HES4: variants seen among roughly 807,000 people sequenced by gnomAD.
HES4 encodes the protein transcription factor HES-4.
A neutral mutation model predicts 10.7 loss-of-function variants in HES4; 17 were observed. The ratio of observed to expected loss-of-function variants is 1.59; its 90% CI spans 1.09 to 2.38. The LOEUF (loss-of-function observed/expected upper bound fraction) is 2.38, where lower values mean the gene tolerates loss of function less well. Among genes scored for constraint, HES4 ranks in the 30% most tolerant of loss-of-function variants. The pLI, the probability that HES4 is intolerant of heterozygous loss-of-function variation, is 0.00. For synonymous variants in HES4, 189 were observed against 159.7 expected, an observed-to-expected ratio of 1.18 and a Z score of -1.38; for missense variants, 389 against 332.1, an observed-to-expected ratio of 1.17 and a Z score of -1.33.
At position 999,355 on chromosome 1, in the gene HES4, A is replaced by C. The variant is rs200527634; in HGVS notation, c.370T>G (p.Phe124Val). Residue 124 changes from phenylalanine to valine, a missense_variant, in exon 4 of 4, where the codon TTC (phenylalanine) becomes GTC (valine). Transcript: ENST00000304952. ...FHECLAEVNR[F>V]LAGCEGVPAD... ...GGGACGCCCTCGCAGCCGGCCAGGA[A>C]GCGGTTCACCTCCGCCAGACACTCG... is the stretch of plus-strand genomic sequence containing the variant. The C allele has an allele frequency of 2.8e-4, 420 of 1,496,516 alleles. No homozygotes were observed. In the African/African-American group the frequency reaches 5.5e-3, roughly 20 times the overall value. The allele number at this position is 1,496,516 out of a possible 1,614,324, so 92.7% of individuals were successfully genotyped here.
In HES4 at chr1:999,518, C is replaced by T. The variant is rs754247393; in HGVS notation, c.292+8G>A. The T allele has an allele frequency of 3.1e-5, 49 of 1,587,784 alleles. No individual in the cohort carries two copies. Among genetic ancestry groups the T allele is most frequent in the African/African-American group, 2.0e-4 (15 of 73,456 alleles). ...CCCGCCTCCAAGCCGCCGCCGCCCG[C>T]GCCTCACCCGTCACCTGCACGCGAC... On this transcript the variant is annotated splice_region_variant and intron_variant, in intron 3 of 3. Transcript: ENST00000304952.
rs773273980 is a variant in HES4, at chr1:999,411, G to A, written c.314C>T (p.Ala105Val). The A allele has an allele frequency of 1.3e-5, 19 of 1,496,380 alleles. No individual in the cohort carries two copies. In the South Asian group the frequency reaches 2.5e-4, roughly 20 times the overall value. The allele number at this position is 1,496,380 out of a possible 1,614,324, so 92.7% of individuals were successfully genotyped here. The change falls in exon 4 of 4, where the codon GCC becomes GTC. Residue 105 changes from alanine (A) to valine (V), a missense_variant. Ala to Val is a moderately conservative substitution (Grantham distance 64). Coordinates refer to ENST00000304952, the MANE Select transcript of HES4 (RefSeq NM_021170.4). Reference protein sequence around the residue: ...QVTAALSADPAVLGKYRAGFH... With the variant: ...QVTAALSADPVVLGKYRAGFH... ...GCCGGCGCGGTACTTGCCCAGAACG[G>A]CGGGGTCGGCGCTGAGCGCGGCTGC...
At position 999,261 on chromosome 1, in the gene HES4, C is replaced by A; in HGVS notation, c.464G>T (p.Arg155Leu). ...ACLRQLGPSR[R>L]PASLSPAAPA... Reference sequence around the variant, plus strand: ...GGCAGCCGGGGACAGCGAGGCCGGGCGGCGGGAGGGTCCCAGCTGGCGCAG... The same window carrying A: ...GGCAGCCGGGGACAGCGAGGCCGGGAGGCGGGAGGGTCCCAGCTGGCGCAG... The change falls in exon 4 of 4, where the codon CGC (arginine) becomes CTC (leucine). Residue 155 changes from arginine (R) to leucine (L), a missense_variant. By Grantham distance (102) the Arg-to-Leu change is moderately radical. Coordinates refer to ENST00000304952, the MANE Select transcript of HES4 (RefSeq NM_021170.4). 1 of 1,409,256 alleles carries A rather than the reference C, an allele frequency of 7.1e-7. No individual in the cohort carries two copies. The highest frequency in any genetic ancestry group is 1.5e-5 in the South Asian group (1 of 67,186). 87.3% of individuals were successfully genotyped at this position (1,409,256 alleles called of 1,614,324 possible). A position where few individuals can be genotyped will look rare whatever the true frequency, so the allele number is the denominator to read the frequency against.
chr1:998,996 C>G lies in HES4; in HGVS notation c.*63G>C. ...ATAAATACGTTTTCTCTGCTACAGT[C>G]TCGGCAAAGGCCACGGCCCTAGAAC... On this transcript the variant is annotated 3_prime_UTR_variant, in exon 4 of 4. Coordinates refer to ENST00000304952, the MANE Select transcript of HES4 (RefSeq NM_021170.4). The G allele has an allele frequency of 6.5e-6, 8 of 1,232,438 alleles. No homozygotes were observed. Among genetic ancestry groups the G allele is most frequent in the Non-Finnish European group, 8.2e-6 (8 of 975,044 alleles). The allele number at this position is 1,232,438 out of a possible 1,614,324, so 76.3% of individuals were successfully genotyped here. A position where few individuals can be genotyped will look rare whatever the true frequency, so the allele number is the denominator to read the frequency against.
At position 999,218 on chromosome 1, in the gene HES4, C is replaced by A; in HGVS notation, c.507G>T (p.Ala169=). 1 of 1,314,094 alleles carries A rather than the reference C, an allele frequency of 7.6e-7. No homozygotes were observed. Among genetic ancestry groups the A allele is most frequent in the Non-Finnish European group, 9.6e-7 (1 of 1,038,584 alleles). 81.4% of individuals were successfully genotyped at this position (1,314,094 alleles called of 1,614,324 possible). Residue 169 remains alanine (A), a synonymous_variant, in exon 4 of 4, where the codon GCG becomes GCT. Coordinates refer to ENST00000304952, the MANE Select transcript of HES4 (RefSeq NM_021170.4). ...GCGGGCGGCCCGCGTAGACCTCGGG[C>A]GCTGGGGCCTCTGCGGGGGCAGCCG... ...LSPAAPAEAP[A]PEVYAGRPLL...
In HES4 at chr1:999,374, A is replaced by C; in HGVS notation, c.351T>G (p.Cys117Trp). ...CCAGGAAGCGGTTCACCTCCGCCAG[A>C]CACTCGTGGAAGCCGGCGCGGTACT... ...LGKYRAGFHE[C>W]LAEVNRFLAG... Residue 117 changes from cysteine (C) to tryptophan (W), a missense_variant, in exon 4 of 4, where the codon TGT (cysteine) becomes TGG (tryptophan). Physicochemically the swap from Cys to Trp is radical, Grantham distance 215 (BLOSUM62 -2). Transcript: ENST00000304952. The C allele has an allele frequency of 6.7e-7, 1 of 1,500,472 alleles. No homozygotes were observed. Among genetic ancestry groups the C allele is most frequent in the Non-Finnish European group, 8.8e-7 (1 of 1,136,910 alleles). 92.9% of individuals were successfully genotyped at this position (1,500,472 alleles called of 1,614,324 possible). A position where few individuals can be genotyped will look rare whatever the true frequency, so the allele number is the denominator to read the frequency against.
Position 999,866 on chromosome 1 carries a change from CT to C in HES4, c.107del (p.Lys36SerfsTer48), listed in dbSNP as rs1042787203. The C allele has an allele frequency of 1.9e-5, 30 of 1,558,694 alleles. No homozygotes were observed. The highest frequency in any genetic ancestry group is 2.6e-5 in the Non-Finnish European group (30 of 1,155,732). ...DKPRSAAEHR[K>X]SSKPVMEKRR... ...CCCTCACGCCCGGCCGGGACCCCACCTTGCGGTGCTCGGCCGCGCTCCGGGG... is the reference window on the plus strand; with the variant it reads ...CCCTCACGCCCGGCCGGGACCCCACCTGCGGTGCTCGGCCGCGCTCCGGGG... On this transcript the variant is annotated frameshift_variant and splice_region_variant, in exon 1 of 4. Transcript: ENST00000304952. LOFTEE classifies it high-confidence loss of function.
intron 1 of HES4, 39 bp downstream of exon 1, chr1:999,827 C>T (rs1042795994): frequency 3.7e-6 from 6 of 1,600,936 alleles, no homozygotes; most frequent in South Asian, 1.1e-5. Flanking sequence ...GTCCCTCCCG[C>T]CCCCCGGTCG....
rs758882494 is a variant in HES4, at chr1:999,532, C to T, written c.286G>A (p.Val96Met). The change falls in exon 3 of 4, where the codon GTG becomes ATG. Residue 96 changes from valine to methionine, a missense_variant. Transcript: ENST00000304952. The stretch of plus-strand genomic sequence containing the variant: ...GCCGCCGCCCGCGCCTCACCCGTCA[C>T]CTGCACGCGACGCAGGCTCCGCAGG... ...RHLRSLRRVQ[V>M]TAALSADPAV... 2 of 1,599,858 alleles carry T rather than the reference C, an allele frequency of 1.3e-6. No individual in the cohort carries two copies. Among genetic ancestry groups the T allele is most frequent in the South Asian group, 1.1e-5 (1 of 89,520 alleles).
In HES4 at chr1:999,837, G is replaced by A. The variant is rs1431457303; in HGVS notation, c.108+29C>T. 1 of 1,596,436 alleles carries A rather than the reference G, an allele frequency of 6.3e-7. No individual in the cohort carries two copies. The highest frequency in any genetic ancestry group is 1.1e-5 in the South Asian group (1 of 89,458). ...CCCGCGTCCCTCCCGCCCCCCGGTC[G>A]CCCCCCTCACGCCCGGCCGGGACCC... is the stretch of plus-strand genomic sequence containing the variant. On this transcript the variant is annotated intron_variant, in intron 1 of 3. Transcript: ENST00000304952.
rs1643978696 is a variant in HES4, at chr1:999,042, G to A, written c.*17C>T. 1.6e-6 allele frequency: 2 copies of A among 1,266,316 alleles called. No homozygotes were observed. Among genetic ancestry groups the A allele is most frequent in the Non-Finnish European group, 2.0e-6 (2 of 1,003,228 alleles). The allele number at this position is 1,266,316 out of a possible 1,614,324, so 78.4% of individuals were successfully genotyped here. The stretch of plus-strand genomic sequence containing the variant: ...AGAACGGGGCGCCGCCTCCGATGCA[G>A]TCTCAGGGCCACAGCCTCAGCGCAG... On this transcript the variant is annotated 3_prime_UTR_variant, in exon 4 of 4. Coordinates refer to ENST00000304952, the MANE Select transcript of HES4 (RefSeq NM_021170.4).
rs763890990 is a variant in HES4, at chr1:999,419, G to T, written c.306C>A (p.Ala102=). The change falls in exon 4 of 4, where the codon GCC becomes GCA. Residue 102 remains alanine, a synonymous_variant. Coordinates refer to ENST00000304952, the MANE Select transcript of HES4 (RefSeq NM_021170.4). ...GGTACTTGCCCAGAACGGCGGGGTC[G>T]GCGCTGAGCGCGGCTGCGGGAGCGA... ...RRVQVTAALS[A]DPAVLGKYRA... is the part of the protein sequence containing the mutation. 6.7e-7 allele frequency: 1 copy of T among 1,496,006 alleles called. No homozygotes were observed. Among genetic ancestry groups the T allele is most frequent in the Non-Finnish European group, 8.8e-7 (1 of 1,137,030 alleles). The allele number at this position is 1,496,006 out of a possible 1,614,324, so 92.7% of individuals were successfully genotyped here.
In HES4 at chr1:999,102, C is replaced by T; in HGVS notation, c.623G>A (p.Gly208Glu). The change falls in exon 4 of 4, where the codon GGG (glycine) becomes GAG (glutamate). Residue 208 changes from glycine (G) to glutamate (E), a missense_variant. Transcript: ENST00000304952. Reference protein sequence around the residue: ...TRALPAAPRAGPQGPGGPWRP... With the variant: ...TRALPAAPRAEPQGPGGPWRP... ...CCAGGGCCCACCCGGGCCCTGCGGCCCCGCCCTGGGGGCGGCGGGCAGCGC... is the reference window on the plus strand; with the variant it reads ...CCAGGGCCCACCCGGGCCCTGCGGCTCCGCCCTGGGGGCGGCGGGCAGCGC... 8.2e-7 allele frequency: 1 copy of T among 1,221,642 alleles called. No homozygotes were observed. Among genetic ancestry groups the T allele is most frequent in the Non-Finnish European group, 1.0e-6 (1 of 981,366 alleles). The allele number at this position is 1,221,642 out of a possible 1,614,324, so 75.7% of individuals were successfully genotyped here. A position where few individuals can be genotyped will look rare whatever the true frequency, so the allele number is the denominator to read the frequency against.
chr1:999,021 C>A lies in HES4; in HGVS notation c.*38G>T. 3.2e-6 allele frequency: 4 copies of A among 1,259,822 alleles called. No individual in the cohort carries two copies. The highest frequency in any genetic ancestry group is 4.0e-6 in the Non-Finnish European group (4 of 998,262). 78.0% of individuals were successfully genotyped at this position (1,259,822 alleles called of 1,614,324 possible). A position where few individuals can be genotyped will look rare whatever the true frequency, so the allele number is the denominator to read the frequency against. ...CTCGGCAAAGGCCACGGCCCTAGAA[C>A]GGGGCGCCGCCTCCGATGCAGTCTC... is the stretch of plus-strand genomic sequence containing the variant. On this transcript the variant is annotated 3_prime_UTR_variant, in exon 4 of 4. Coordinates refer to ENST00000304952, the MANE Select transcript of HES4 (RefSeq NM_021170.4).
Position 999,119 on chromosome 1 carries a change from G to C in HES4, c.606C>G (p.Pro202=). ...PLLPGLTRAL[P]AAPRAGPQGP... ...CCTGCGGCCCCGCCCTGGGGGCGGC[G>C]GGCAGCGCCCGGGTCAGACCCGGCA... The change falls in exon 4 of 4, where the codon CCC becomes CCG. Residue 202 remains proline (P), a synonymous_variant. Coordinates refer to ENST00000304952, the MANE Select transcript of HES4 (RefSeq NM_021170.4). 8.2e-7 allele frequency: 1 copy of C among 1,215,040 alleles called. No individual in the cohort carries two copies. Among genetic ancestry groups the C allele is most frequent in the Non-Finnish European group, 1.0e-6 (1 of 977,412 alleles). 75.3% of individuals were successfully genotyped at this position (1,215,040 alleles called of 1,614,324 possible). A position where few individuals can be genotyped will look rare whatever the true frequency, so the allele number is the denominator to read the frequency against.
At position 1,000,022 on chromosome 1, in the gene HES4, C is replaced by T; in HGVS notation, c.-49G>A. ...CCGGGTGGAGCGCGCCGCCACGGAC[C>T]ACGGGCGGGCTGGCGGGCGAGCGGC... On this transcript the variant is annotated 5_prime_UTR_variant, in exon 1 of 4. Transcript: ENST00000304952. The T allele has an allele frequency of 8.0e-7, 1 of 1,243,466 alleles. No individual in the cohort carries two copies. Among genetic ancestry groups the T allele is most frequent in the Non-Finnish European group, 1.0e-6 (1 of 996,134 alleles). The allele number at this position is 1,243,466 out of a possible 1,614,324, so 77.0% of individuals were successfully genotyped here. A position where few individuals can be genotyped will look rare whatever the true frequency, so the allele number is the denominator to read the frequency against.
Position 999,873 on chromosome 1 carries a change from T to A in HES4, c.101A>T (p.His34Leu). ...GCCCGGCCGGGACCCCACCTTGCGG[T>A]GCTCGGCCGCGCTCCGGGGCTTGTC... ...TPDKPRSAAE[H>L]RKSSKPVMEK... The change falls in exon 1 of 4, where the codon CAC becomes CTC. Residue 34 changes from histidine (H) to leucine (L), a missense_variant. Coordinates refer to ENST00000304952, the MANE Select transcript of HES4 (RefSeq NM_021170.4). 6.5e-7 allele frequency: 1 copy of A among 1,542,436 alleles called. No homozygotes were observed. The highest frequency in any genetic ancestry group is 1.2e-5 in the South Asian group (1 of 84,574).
chr1:999,531 A>T lies in HES4; in HGVS notation c.287T>A (p.Val96Glu), dbSNP rs753129274. Reference protein sequence around the residue: ...RHLRSLRRVQVTAALSADPAV... With the variant: ...RHLRSLRRVQETAALSADPAV... ...CGCCGCCGCCCGCGCCTCACCCGTC[A>T]CCTGCACGCGACGCAGGCTCCGCAG... Residue 96 changes from valine (V) to glutamate (E), a missense_variant, in exon 3 of 4, where the codon GTG (valine) becomes GAG (glutamate). Transcript: ENST00000304952. 1 of 1,597,956 alleles carries T rather than the reference A, an allele frequency of 6.3e-7. No individual in the cohort carries two copies. Among genetic ancestry groups the T allele is most frequent in the Admixed American group, 1.7e-5 (1 of 57,944 alleles).
chr1:999,468 G>A (rs576597619), intron 3 of HES4, 36 bp from the exon 4 acceptor site: 5 of 1,553,908 alleles, frequency 3.2e-6, no homozygotes, highest in Middle Eastern at 2.0e-4. Flanking sequence ...GTCGGTGCCG[G>A]GTCCCGGGGG....
Sources: allele counts gnomAD v4.1 joint callset, GRCh38; gene constraint gnomAD v4.1.1; transcripts MANE v1.5; gene names NCBI Gene and HGNC (gene_info 2026-07-23, HGNC 2026-07-21).